Variants in CAST observed in about 807,000 individuals in gnomAD.
The protein encoded by CAST is calpastatin.
In CAST, 76 loss-of-function variants were observed where a neutral mutation model predicts 119.6. The observed-to-expected ratio is 0.64, with a 90% CI of 0.53 to 0.77. The LOEUF (loss-of-function observed/expected upper bound fraction) is 0.77, where lower values mean the gene tolerates loss of function less well. CAST is among the 30% of genes least tolerant of loss of function. CAST has a pLI of 0.00. For synonymous variants in CAST, 319 were observed against 331.6 expected (o/e 0.96, Z 0.41); for missense variants, 953 against 946.5 (o/e 1.01, Z -0.09).
the CAST span, chr5:96,213,351 A>G: frequency 6.6e-6 from 1 of 152,116 alleles, no homozygotes; most frequent in African/African-American, 2.4e-5. Flanking sequence ...TGTTTTTAAT[A>G]TGTTCTGCTA....
At chr5:96,310,574 T>TA in the CAST span, among the ~76,000 whole-genome samples, 35,847 of 150,116 alleles carry the variant, frequency 0.24, 4,966 homozygotes, top group South Asian at 0.34. Context: ...TTTTTTTTTT[T>TA]AAATGGGAGA....
chr5:96,625,843 A>G (rs951278215), intron 1 of CAST, among the ~76,000 whole-genome samples: 2 of 152,126 alleles, frequency 1.3e-5, no homozygotes, highest in African/African-American at 4.8e-5. Context: ...CCGGCTGAGC[A>G]TGGTGAAGGT....
At chr5:96,560,585 A>G (rs1465553211) in intron 1 of CAST, among the ~76,000 whole-genome samples, 1 of 152,262 alleles carries the variant, frequency 6.6e-6, no homozygotes, top group Non-Finnish European at 1.5e-5. Flanking sequence ...TATGCAGCCA[A>G]AAGACACATG....
chr5:96,285,277 G>A, the CAST span, among the ~76,000 whole-genome samples: 5 of 152,084 alleles, frequency 3.3e-5, no homozygotes, highest in African/African-American at 7.2e-5. Context: ...GAAATAAACC[G>A]ATAAAGGTAT....
chr5:96,560,302 A>G (rs1746330224), intron 1 of CAST, among the ~76,000 whole-genome samples: 1 of 152,102 alleles, frequency 6.6e-6, no homozygotes, highest in Non-Finnish European at 1.5e-5. Context: ...ATGGACAAGG[A>G]CTTCATGTCT....
chr5:96,137,733 C>T, the CAST span, among the ~76,000 whole-genome samples: 2 of 152,132 alleles, frequency 1.3e-5, no homozygotes, highest in South Asian at 2.1e-4. Flanking sequence ...TTGTGACTTC[C>T]TAATGACAAA....
intron 1 of CAST, among the ~76,000 whole-genome samples, chr5:96,653,295 T>C (rs1748117928): frequency 6.6e-6 from 1 of 152,266 alleles, no homozygotes; most frequent in Non-Finnish European, 1.5e-5. Context: ...ATCACATTTT[T>C]TTCCTCAAAG....
chr5:96,347,494 T>C, the CAST span, among the ~76,000 whole-genome samples: 1 of 152,176 alleles, frequency 6.6e-6, no homozygotes, highest in African/African-American at 2.4e-5. Context: ...TTTTTGTTTG[T>C]ACTAGCATAC....
chr5:96,431,932 C>T, the CAST span: 1 of 687,796 alleles, frequency 1.5e-6, no homozygotes, highest in South Asian at 1.5e-5. Context: ...AGAAGTCACA[C>T]TCCCTAGGGT....
the CAST span, among the ~76,000 whole-genome samples, chr5:96,282,958 T>C: frequency 6.6e-6 from 1 of 150,758 alleles, no homozygotes; most frequent in Non-Finnish European, 1.5e-5. Flanking sequence ...TGAAACCCTG[T>C]CTCTACTAAA....
intron 9 of CAST, 65 bp from the exon 10 acceptor site, chr5:96,736,107 A>T: frequency 2.1e-6 from 2 of 969,080 alleles, no homozygotes; most frequent in Non-Finnish European, 3.2e-6. Context: ...TTATTTTAAA[A>T]TTTGTAATAG....
chr5:96,037,217 C>A, the CAST span, among the ~76,000 whole-genome samples: 2 of 152,104 alleles, frequency 1.3e-5, no homozygotes, highest in African/African-American at 4.8e-5. Flanking sequence ...TGTAAAGGTG[C>A]CAATAGAAGT....
chr5:96,038,978 A>C, the CAST span, among the ~76,000 whole-genome samples: 2 of 152,212 alleles, frequency 1.3e-5, no homozygotes, highest in Non-Finnish European at 2.9e-5. Context: ...ACTAATTTAC[A>C]TCCCCACCAA....
chr5:96,451,384 C>T, the CAST span, among the ~76,000 whole-genome samples: 1 of 152,130 alleles, frequency 6.6e-6, no homozygotes, highest in African/African-American at 2.4e-5. Context: ...CAAAAACAAG[C>T]AATGAGGAAA....
the CAST span, among the ~76,000 whole-genome samples, chr5:96,471,929 C>G: frequency 2.0e-5 from 3 of 152,028 alleles, no homozygotes; most frequent in African/African-American, 7.2e-5. Flanking sequence ...CTATCCACAG[C>G]TATTATTTTA....
At chr5:96,618,132 C>T (rs746417635) in intron 1 of CAST, among the ~76,000 whole-genome samples, 8 of 152,198 alleles carry the variant, frequency 5.3e-5, no homozygotes, top group South Asian at 2.1e-4. Flanking sequence ...ACAGGGCTAA[C>T]TCCAGGGCCC....
chr5:96,685,961 AT>A (rs537933729), intron 2 of CAST, among the ~76,000 whole-genome samples: 1 of 149,800 alleles, frequency 6.7e-6, no homozygotes, highest in Non-Finnish European at 1.5e-5. Flanking sequence ...TTTTTCTTTC[AT>A]TTTTTTTTCT....
intron 1 of CAST, among the ~76,000 whole-genome samples, chr5:96,556,756 G>A (rs992363557): frequency 7.9e-5 from 12 of 152,314 alleles, no homozygotes; most frequent in East Asian, 1.9e-4. Flanking sequence ...AAGTGATGGG[G>A]AGAATGGAAC....
intron 1 of CAST, among the ~76,000 whole-genome samples, chr5:96,534,745 GAAA>G (rs1745759700): frequency 4.7e-5 from 1 of 21,270 alleles, no homozygotes; most frequent in African/African-American, 1.5e-4. Context: ...GAGAGAGAAA[GAAA>G]GAAAGAAAGA....
Sources: allele counts gnomAD v4.1 joint callset (sites outside exome capture counted in the v4.1 genomes callset), GRCh38; gene constraint gnomAD v4.1.1; transcripts MANE v1.5; gene names NCBI Gene and HGNC (gene_info 2026-07-23, HGNC 2026-07-21).